Variants in CDH18 observed in about 807,000 individuals in gnomAD.
The protein encoded by CDH18 is cadherin 18.
Under a neutral mutation model 67.9 loss-of-function variants are expected in CDH18, and 31 were observed. That is an observed-to-expected ratio of 0.46 (90% CI 0.34 to 0.62). The LOEUF is 0.62. Among genes scored for constraint, CDH18 ranks in the 20% least tolerant of loss-of-function variants. The pLI is 0.01. For synonymous variants in CDH18, 362 were observed against 347.2 expected, an observed-to-expected ratio of 1.04 and a Z score of -0.48; for missense variants, 890 against 975.5, an observed-to-expected ratio of 0.91 and a Z score of 1.17.
intron 5 of CDH18, among the ~76,000 whole-genome samples, chr5:19,693,119 T>C (rs1762112830): frequency 6.6e-6 from 1 of 152,006 alleles, no homozygotes; most frequent in South Asian, 2.1e-4. Flanking sequence ...TGGAGGTTAT[T>C]ATGTTACATA....
intron 2 of CDH18, among the ~76,000 whole-genome samples, chr5:20,134,227 C>T (rs1749508004): frequency 6.6e-6 from 1 of 152,162 alleles, no homozygotes; most frequent in African/African-American, 2.4e-5. Flanking sequence ...CCTCCCCAAC[C>T]AGCCTCCTAA....
At chr5:19,875,131 C>G (rs143007777) in intron 2 of CDH18, among the ~76,000 whole-genome samples, 148 of 152,184 alleles carry the variant, frequency 9.7e-4, no homozygotes, top group African/African-American at 3.5e-3. Flanking sequence ...AGATACCTGA[C>G]TTTTTTAATT....
intron 1 of CDH18, among the ~76,000 whole-genome samples, chr5:20,362,327 T>C (rs1218583714): frequency 2.0e-5 from 3 of 151,986 alleles, no homozygotes; most frequent in Non-Finnish European, 4.4e-5. Flanking sequence ...AGATGATAAA[T>C]TAATAAGGAG....
chr5:19,629,174 A>G (rs1561501343), intron 5 of CDH18, among the ~76,000 whole-genome samples: 1 of 152,322 alleles, frequency 6.6e-6, no homozygotes, highest in East Asian at 1.9e-4. Context: ...TTGGAAGTAG[A>G]GGATGAGGAA....
At chr5:19,918,004 G>A (rs890502185) in intron 2 of CDH18, among the ~76,000 whole-genome samples, 11 of 152,122 alleles carry the variant, frequency 7.2e-5, no homozygotes, top group Non-Finnish European at 1.2e-4. Context: ...TCTGTCTTCA[G>A]GAACTCATCA....
chr5:20,378,525 C>G (rs1333325086), intron 1 of CDH18, among the ~76,000 whole-genome samples: 1 of 151,978 alleles, frequency 6.6e-6, no homozygotes. Flanking sequence ...ACAGCAATCT[C>G]GTGAGTGCTG....
intron 5 of CDH18, among the ~76,000 whole-genome samples, chr5:19,628,494 GGA>G (rs1393630607): frequency 2.0e-5 from 3 of 152,124 alleles, no homozygotes; most frequent in African/African-American, 7.2e-5. Context: ...ATAGAAGTGA[GGA>G]GATGTGGTGA....
At chr5:19,616,898 C>T in intron 5 of CDH18, among the ~76,000 whole-genome samples, 1 of 152,246 alleles carries the variant, frequency 6.6e-6, no homozygotes, top group African/African-American at 2.4e-5. Flanking sequence ...TTCTTCTTTG[C>T]AAGCACTGAG....
At chr5:19,747,373 C>G in intron 3 of CDH18, 137 bp from the exon 4 acceptor site, 1 of 640,166 alleles carries the variant, frequency 1.6e-6, no homozygotes, top group South Asian at 2.3e-5. Context: ...TTACTACTAT[C>G]ATTTGCTTTT....
chr5:20,381,465 C>T (rs1379224114), intron 1 of CDH18, among the ~76,000 whole-genome samples: 2 of 152,022 alleles, frequency 1.3e-5, no homozygotes, highest in African/African-American at 4.8e-5. Flanking sequence ...TGTACCCCCA[C>T]CTGCATGGTT....
intron 5 of CDH18, among the ~76,000 whole-genome samples, chr5:19,674,539 C>G (rs1759202432): frequency 6.6e-6 from 1 of 151,972 alleles, no homozygotes; most frequent in South Asian, 2.1e-4. Context: ...AGTCTATTGA[C>G]TCTTAAATAC....
chr5:19,676,427 C>T (rs968219198), intron 5 of CDH18, among the ~76,000 whole-genome samples: 5 of 151,898 alleles, frequency 3.3e-5, no homozygotes, highest in Non-Finnish European at 5.9e-5. Context: ...GGACTCTTCC[C>T]CAAATCTAGG....
rs150671146 is a variant in CDH18 at position 19,543,960 on chromosome 5, A to G, written c.1299T>C (p.Ile433=). The change falls in exon 9 of 13, where the codon ATT becomes ATC. Residue 433 remains isoleucine, a synonymous_variant. Coordinates refer to ENST00000382275, the MANE Select transcript of CDH18 (RefSeq NM_004934.5). ...TCCTAATGGTCCCAGTATTGGCATC[A>G]ATGTTGAAAAATCTGTCGTCTTCAA... is the stretch of plus-strand genomic sequence containing the variant. ...YNVEDDRFFN[I]DANTGTIRTT... 18 of 1,595,352 alleles carry G rather than the reference A, an allele frequency of 1.1e-5. No homozygotes were observed. The African/African-American group carries it at 1.9e-4, about 17-fold the overall frequency.
intron 2 of CDH18, among the ~76,000 whole-genome samples, chr5:20,012,153 G>A (rs1737496746): frequency 1.3e-5 from 2 of 151,462 alleles, no homozygotes; most frequent in Non-Finnish European, 1.5e-5. Flanking sequence ...TTTCTTCCTG[G>A]TTCAGTCTTG....
At chr5:20,198,010 A>G (rs1267807243) in intron 2 of CDH18, among the ~76,000 whole-genome samples, 1 of 152,078 alleles carries the variant, frequency 6.6e-6, no homozygotes, top group Non-Finnish European at 1.5e-5. Context: ...TTAAGTGGGC[A>G]CTCATTCCCT....
At chr5:20,076,332 T>A (rs1159647113) in intron 2 of CDH18, among the ~76,000 whole-genome samples, 2 of 152,196 alleles carry the variant, frequency 1.3e-5, no homozygotes, top group East Asian at 3.9e-4. Context: ...ATTTTTCAGA[T>A]GATTGACCTT....
rs78477835 is a variant in CDH18, at chr5:20,194,892, T to C, written c.-518+60552A>G. 5.6e-3 allele frequency among the ~76,000 whole-genome samples: 855 copies of C among 152,172 alleles called. 9 individuals are homozygous for C. The highest frequency in any genetic ancestry group is 0.02 in the African/African-American group (819 of 41,554). On this transcript the variant is annotated intron_variant, in intron 2 of 14. Coordinates refer to the CDH18 transcript ENST00000507958. The stretch of plus-strand genomic sequence containing the variant: ...ATAACTTCAAGCTTGATTTGCTTTT[T>C]CCCTCTAGGTTTGTTATCCCTAGTT...
At chr5:20,378,939 A>T (rs1743683097) in intron 1 of CDH18, among the ~76,000 whole-genome samples, 1 of 152,198 alleles carries the variant, frequency 6.6e-6, no homozygotes, top group Non-Finnish European at 1.5e-5. Context: ...ATCCAGAAAT[A>T]TTGACCCACT....
At chr5:20,031,391 G>T (rs1025467697) in intron 2 of CDH18, among the ~76,000 whole-genome samples, 1 of 151,952 alleles carries the variant, frequency 6.6e-6, no homozygotes, top group Admixed American at 6.6e-5. Flanking sequence ...TATAATGTTC[G>T]GTATGCTAGC....
Sources: allele counts gnomAD v4.1 joint callset (sites outside exome capture counted in the v4.1 genomes callset), GRCh38; gene constraint gnomAD v4.1.1; transcripts MANE v1.5; gene names NCBI Gene and HGNC (gene_info 2026-07-23, HGNC 2026-07-21).